Variants in BBS12 observed in about 807,000 individuals in gnomAD.
BBS12 encodes the protein chaperonin-containing T-complex member BBS12.
A neutral mutation model predicts 5.6 loss-of-function variants in BBS12; 5 were observed. The observed-to-expected ratio is 0.89, with a 90% CI of 0.46 to 1.86. BBS12 has a LOEUF of 1.86. Among genes scored for constraint, BBS12 ranks in the 40% most tolerant of loss-of-function variants. BBS12 has a pLI of 0.01. For synonymous variants in BBS12, 308 were observed against 306.8 expected (o/e 1.00, Z -0.04); for missense variants, 748 against 830.4 (o/e 0.90, Z 1.22).
the BBS12 span, among the ~76,000 whole-genome samples, chr4:122,716,739 GT>G: frequency 1.5e-5 from 2 of 130,528 alleles, no homozygotes; most frequent in African/African-American, 8.0e-5. Flanking sequence ...ACACACACGT[GT>G]GTGTGTATAT....
the BBS12 span, among the ~76,000 whole-genome samples, chr4:122,719,510 C>T: frequency 2.0e-5 from 3 of 152,240 alleles, no homozygotes; most frequent in Admixed American, 2.0e-4. Context: ...TGAGGGTCTG[C>T]AGCTTCATTC....
At chr4:122,717,162 T>G in the BBS12 span, among the ~76,000 whole-genome samples, 3 of 152,170 alleles carry the variant, frequency 2.0e-5, no homozygotes, top group Admixed American at 6.5e-5. Flanking sequence ...TTTCATTCAT[T>G]TAACAAATAG....
chr4:122,703,124 C>A, the BBS12 span, among the ~76,000 whole-genome samples: 3 of 150,778 alleles, frequency 2.0e-5, no homozygotes, highest in African/African-American at 7.3e-5. Flanking sequence ...CGCCAGCTCC[C>A]TCTCTCTTCC....
chr4:122,719,408 G>A, the BBS12 span, among the ~76,000 whole-genome samples: 6 of 152,202 alleles, frequency 3.9e-5, no homozygotes, highest in East Asian at 1.9e-4. Flanking sequence ...CTTCCACGTC[G>A]TGGAAGCTTT....
intron 1 of BBS12, among the ~76,000 whole-genome samples, chr4:122,739,501 A>G (rs1294567862): frequency 6.6e-6 from 1 of 152,260 alleles, no homozygotes; most frequent in African/African-American, 2.4e-5. Flanking sequence ...ATGAATGACC[A>G]GTGAAAAGCA....
At chr4:122,733,376 A>AACAC (rs3034555) in intron 1 of BBS12, among the ~76,000 whole-genome samples, 4,283 of 87,990 alleles carry the variant, frequency 0.049, 256 homozygotes, top group East Asian at 0.08. Flanking sequence ...CTCCAACCCC[A>AACAC]ACACACACAC....
At chr4:122,714,515 C>T in the BBS12 span, among the ~76,000 whole-genome samples, 12 of 152,042 alleles carry the variant, frequency 7.9e-5, no homozygotes, top group Non-Finnish European at 1.5e-4. Context: ...CGTGGTGGCT[C>T]ATGCCTATAA....
intron 1 of BBS12, among the ~76,000 whole-genome samples, chr4:122,733,376 A>ACACAC (rs1800732065): frequency 1.1e-5 from 1 of 88,116 alleles, no homozygotes; most frequent in Non-Finnish European, 2.2e-5. Flanking sequence ...CTCCAACCCC[A>ACACAC]ACACACACAC....
chr4:122,744,172 G>A lies in BBS12; in HGVS notation c.*147G>A. 1.2e-6 allele frequency: 1 copy of A among 833,422 alleles called. No individual in the cohort carries two copies. Among genetic ancestry groups the A allele is most frequent in the Admixed American group, 2.4e-5 (1 of 41,516 alleles). The allele number at this position is 833,422 out of a possible 1,614,324, so 51.6% of individuals were successfully genotyped here. A position where few individuals can be genotyped will look rare whatever the true frequency, so the allele number is the denominator to read the frequency against. ...GTCTGTCAATAACTGTGCATGGTCT[G>A]AGATTTTACCCTACTTATAAGCTAA... On this transcript the variant is annotated 3_prime_UTR_variant, in exon 2 of 2. Transcript: ENST00000314218.
Position 122,742,172 on chromosome 4 carries a change from G to C in BBS12, c.280G>C (p.Ala94Pro). The C allele has an allele frequency of 6.2e-7, 1 of 1,613,922 alleles. No homozygotes were observed. Among genetic ancestry groups the C allele is most frequent in the South Asian group, 1.1e-5 (1 of 91,078 alleles). The part of the protein sequence containing the change: ...GISTLLFLVG[A>P]WSSAVEECLH... Reference sequence around the variant, plus strand: ...CAGTACTCTTTTGTTTCTTGTTGGTGCTTGGAGCAGTGCAGTTGAAGAATG... The same window carrying C: ...CAGTACTCTTTTGTTTCTTGTTGGTCCTTGGAGCAGTGCAGTTGAAGAATG... The change falls in exon 2 of 2, where the codon GCT (alanine) becomes CCT (proline). Residue 94 changes from alanine (A) to proline (P), a missense_variant. Physicochemically the swap from Ala to Pro is conservative, Grantham distance 27. Coordinates refer to ENST00000314218, the MANE Select transcript of BBS12 (RefSeq NM_152618.3).
the BBS12 span, among the ~76,000 whole-genome samples, chr4:122,704,210 A>C: frequency 9.9e-5 from 15 of 152,216 alleles, no homozygotes; most frequent in Non-Finnish European, 1.9e-4. Flanking sequence ...ATGCCACTCA[A>C]AAGGTAACAG....
intron 1 of BBS12, among the ~76,000 whole-genome samples, chr4:122,740,128 C>T (rs1800843887): frequency 1.3e-5 from 2 of 151,988 alleles, no homozygotes; most frequent in African/African-American, 2.4e-5. Context: ...GAAAAATTAG[C>T]CGGGTATGGT....
At chr4:122,737,535 C>T (rs1800800781) in intron 1 of BBS12, among the ~76,000 whole-genome samples, 1 of 152,202 alleles carries the variant, frequency 6.6e-6, no homozygotes, top group South Asian at 2.1e-4. Context: ...TAAAATGCCT[C>T]ATACTTAGTA....
the BBS12 span, among the ~76,000 whole-genome samples, chr4:122,716,378 A>G: frequency 3.3e-5 from 5 of 152,058 alleles, no homozygotes; most frequent in Admixed American, 2.6e-4. Flanking sequence ...TTCCCTCAGA[A>G]GTAACCATTG....
At chr4:122,711,475 C>T in the BBS12 span, among the ~76,000 whole-genome samples, 1 of 152,168 alleles carries the variant, frequency 6.6e-6, no homozygotes, top group Non-Finnish European at 1.5e-5. Context: ...CTTGAAACTT[C>T]ATTTGTGTCA....
chr4:122,714,151 C>CT, the BBS12 span, among the ~76,000 whole-genome samples: 1 of 152,074 alleles, frequency 6.6e-6, no homozygotes, highest in African/African-American at 2.4e-5. Context: ...AGCACTGTGT[C>CT]TTTCTAAGAA....
Position 122,744,008 on chromosome 4 carries a change from G to A in BBS12, c.2116G>A (p.Gly706Ser), listed in dbSNP as rs1268963153. 6.2e-7 allele frequency: 1 copy of A among 1,613,534 alleles called. No homozygotes were observed. Among genetic ancestry groups the A allele is most frequent in the South Asian group, 1.1e-5 (1 of 91,052 alleles). ...ACAGATAAATTCACAGGAATTAACGGGCTTTCTATTTTTGTAGTGTTACTG... is the reference window on the plus strand; with the variant it reads ...ACAGATAAATTCACAGGAATTAACGAGCTTTCTATTTTTGTAGTGTTACTG... Reference protein sequence around the residue: ...HTQINSQELTGFLFL With the variant: ...HTQINSQELTSFLFL Residue 706 changes from glycine to serine, a missense_variant, in exon 2 of 2, where the codon GGC (glycine) becomes AGC (serine). Transcript: ENST00000314218.
chr4:122,727,567 T>TTTTTTTTTTTTTTTTTTTG, the BBS12 span, among the ~76,000 whole-genome samples: 3 of 102,566 alleles, frequency 2.9e-5, no homozygotes, highest in East Asian at 7.9e-4. Flanking sequence ...TTTTTTTTTT[T>TTTTTTTTTTTTTTTTTTTG]GAGATGGAGT....
the BBS12 span, among the ~76,000 whole-genome samples, chr4:122,708,302 G>A: frequency 1.3e-5 from 2 of 152,144 alleles, no homozygotes; most frequent in African/African-American, 4.8e-5. Context: ...AAATGGGGAT[G>A]TGTCTGACCC....
Sources: gnomAD v4.1 joint callset for allele counts (sites outside exome capture counted in the v4.1 genomes callset) on GRCh38, gnomAD v4.1.1 for gene constraint, MANE v1.5 for transcripts, NCBI Gene and HGNC (gene_info 2026-07-23, HGNC 2026-07-21) for gene names.